Variants in NEMF observed in about 807,000 individuals in gnomAD.
NEMF encodes the protein nuclear export mediator factor.
NEMF carries 89 observed loss-of-function variants against 162.2 expected under a neutral mutation model. That is an observed-to-expected ratio of 0.55 (90% CI 0.46 to 0.65). The LOEUF is 0.65. Ranked by LOEUF, NEMF falls within the 30% of genes least tolerant of loss-of-function variation. The probability of loss-of-function intolerance (pLI) is 0.00; values close to 1 mark genes in which losing one functional copy is unlikely to be tolerated. For missense variants in NEMF, 1,133 were observed against 1,261.9 expected (o/e 0.90, Z 1.55); for synonymous variants, 421 against 404.5 (o/e 1.04, Z -0.49).
chr14:49,785,381 A>C (rs757256718), intron 29 of NEMF, 61 bp from the exon 30 acceptor site: 12 of 1,095,888 alleles, frequency 1.1e-5, no homozygotes, highest in Non-Finnish European at 1.7e-5. Flanking sequence ...AAAAATGCTA[A>C]AACACTTGAA....
At chr14:49,816,268 C>T (rs1891713016) in intron 16 of NEMF, among the ~76,000 whole-genome samples, 1 of 152,184 alleles carries the variant, frequency 6.6e-6, no homozygotes. Context: ...TTACGCCTGT[C>T]TTACTTTAAT....
chr14:49,783,275 T>TCATC lies in NEMF; in HGVS notation c.*1360_*1361insGATG, dbSNP rs1251772356. On this transcript the variant is annotated 3_prime_UTR_variant, in exon 33 of 33. Coordinates refer to ENST00000298310, the MANE Select transcript of NEMF (RefSeq NM_004713.6). ...TCTTACCATCATCAAAATGCTGAAG[T>TCATC]CATTTTTTGAAAACATTATAGATTT... The TCATC allele has an allele frequency of 6.3e-6, 1 of 158,318 alleles. No homozygotes were observed. 9.8% of individuals were successfully genotyped at this position (158,318 alleles called of 1,614,324 possible). A position where few individuals can be genotyped will look rare whatever the true frequency, so the allele number is the denominator to read the frequency against.
In NEMF at chr14:49,844,480, T is replaced by C. The variant is rs1566710112; in HGVS notation, c.357+1660A>G. ...GATCCCTGGTATAAAAGATTAAAAA[T>C]GGAACACCTGTATAGGGCACTTACC... On this transcript the variant is annotated intron_variant, in intron 4 of 32. Coordinates refer to ENST00000298310, the MANE Select transcript of NEMF (RefSeq NM_004713.6). Among the ~76,000 whole-genome samples, 3 of 152,008 alleles carry C rather than the reference T, an allele frequency of 2.0e-5. No individual in the cohort carries two copies. In the South Asian group the frequency reaches 6.2e-4, roughly 31 times the overall value.
rs148821260 is a variant in NEMF, at chr14:49,800,488, C to G, written c.2304G>C (p.Lys768Asn). The G allele has an allele frequency of 6.2e-7, 1 of 1,613,838 alleles. No individual in the cohort carries two copies. The highest frequency in any genetic ancestry group is 2.2e-5 in the East Asian group (1 of 44,872). ...AATTTAATGTCTCTTCCCCTTCATC[C>G]TTCATTTCACCAACAGAATCCTGAT... Reference protein sequence around the residue: ...RKDQDSVGEMKDEGEETLNYP... With the variant: ...RKDQDSVGEMNDEGEETLNYP... The change falls in exon 23 of 33, where the codon AAG becomes AAC. Residue 768 changes from lysine (K) to asparagine (N), a missense_variant. Transcript: ENST00000298310.
intron 3 of NEMF, among the ~76,000 whole-genome samples, chr14:49,849,365 T>C (rs1176770718): frequency 2.0e-5 from 3 of 152,224 alleles, no homozygotes; most frequent in African/African-American, 7.2e-5. Context: ...GCTTGTTTCA[T>C]TTCCCTATCA....
At chr14:49,810,488 T>G (rs992096667) in intron 18 of NEMF, among the ~76,000 whole-genome samples, 1 of 152,214 alleles carries the variant, frequency 6.6e-6, no homozygotes, top group Admixed American at 6.5e-5. Flanking sequence ...TTCTGGAATC[T>G]CGATTCTATC....
chr14:49,833,276 A>T, intron 8 of NEMF, 147 bp downstream of exon 8: 2 of 472,128 alleles, frequency 4.2e-6, no homozygotes, highest in Non-Finnish European at 7.2e-6. Flanking sequence ...AAAACAAAAC[A>T]AAAAAACTAT....
chr14:49,806,837 A>C (rs1313472998), intron 18 of NEMF, among the ~76,000 whole-genome samples: 1 of 152,344 alleles, frequency 6.6e-6, no homozygotes, highest in East Asian at 1.9e-4. Context: ...TATATGAATA[A>C]CATGTCCCTT....
At chr14:49,824,457 C>T (rs748542288) in intron 16 of NEMF, among the ~76,000 whole-genome samples, 5 of 148,928 alleles carry the variant, frequency 3.4e-5, no homozygotes, top group Non-Finnish European at 5.9e-5. Flanking sequence ...GCATGAGAAT[C>T]GCTTCAAACT....
intron 8 of NEMF, among the ~76,000 whole-genome samples, chr14:49,832,502 T>C (rs1362025606): frequency 6.6e-6 from 1 of 151,998 alleles, no homozygotes; most frequent in African/African-American, 2.4e-5. Flanking sequence ...TGGCTAATTT[T>C]TGTATTTTTA....
At chr14:49,785,364 CT>C in intron 29 of NEMF, 44 bp from the exon 30 acceptor site, 1 of 1,364,814 alleles carries the variant, frequency 7.3e-7, no homozygotes, top group Non-Finnish European at 1.0e-6. Flanking sequence ...TTATACCGCC[CT>C]TTACAAAAAA....
intron 16 of NEMF, among the ~76,000 whole-genome samples, chr14:49,824,100 G>A (rs181755650): frequency 8.1e-4 from 124 of 152,276 alleles, no homozygotes; most frequent in Middle Eastern, 6.8e-3. Context: ...AACCCAGGAA[G>A]CGGAGGTTGC....
rs1001120544 is a variant in NEMF at position 49,802,477 on chromosome 14, T to C, written c.2071A>G (p.Ile691Val). 6.2e-6 allele frequency: 10 copies of C among 1,613,770 alleles called. No homozygotes were observed. Among genetic ancestry groups the C allele is most frequent in the Non-Finnish European group, 8.5e-6 (10 of 1,179,890 alleles). Residue 691 changes from isoleucine to valine, a missense_variant, in exon 22 of 33, where the codon ATA becomes GTA. By Grantham distance (29) the Ile-to-Val change is conservative. Around this residue, in one of 3 missense-constraint regions of NEMF, gnomAD observed 532 missense variants for 578.6 expected, o/e 0.92. Coordinates refer to ENST00000298310, the MANE Select transcript of NEMF (RefSeq NM_004713.6). ...CCTAATTGTTCCATTTCTTCTGATATGAGTTCACTTGTACAACTTGCCAGT... is the reference window on the plus strand; with the variant it reads ...CCTAATTGTTCCATTTCTTCTGATACGAGTTCACTTGTACAACTTGCCAGT... ...ETLASCTSEL[I>V]SEEMEQLDGG...
At chr14:49,822,545 C>T (rs1344019064) in intron 16 of NEMF, among the ~76,000 whole-genome samples, 1 of 150,034 alleles carries the variant, frequency 6.7e-6, no homozygotes, top group Non-Finnish European at 1.5e-5. Context: ...GTAATAATGG[C>T]AGGGCCAGGC....
rs748102288 is a variant in NEMF, at chr14:49,806,058, C to T, written c.1820G>A (p.Arg607Gln). The change falls in exon 19 of 33, where the codon CGA becomes CAA. Residue 607 changes from arginine to glutamine, a missense_variant. Transcript: ENST00000298310. ...CACCCACCAAGCACTAGTGATAACTCGTGCATCCCAAGCAGCACTGTAGCA... is the reference window on the plus strand; with the variant it reads ...CACCCACCAAGCACTAGTGATAACTTGTGCATCCCAAGCAGCACTGTAGCA... ...ALCYSAAWDARVITSAWWVYH... is the reference protein window; with the variant it reads ...ALCYSAAWDAQVITSAWWVYH... 28 of 1,610,894 alleles carry T rather than the reference C, an allele frequency of 1.7e-5. No homozygotes were observed. The highest frequency in any genetic ancestry group is 6.7e-5 in the Admixed American group (4 of 59,736).
intron 19 of NEMF, 55 bp downstream of exon 19, chr14:49,805,966 T>A (rs1362146028): frequency 8.4e-7 from 1 of 1,190,674 alleles, no homozygotes; most frequent in Non-Finnish European, 1.2e-6. Flanking sequence ...ACTCTCAAAA[T>A]TTGGCACACA....
chr14:49,817,820 CT>C (rs1891792931), intron 16 of NEMF, among the ~76,000 whole-genome samples: 1 of 152,200 alleles, frequency 6.6e-6, no homozygotes, highest in South Asian at 2.1e-4. Flanking sequence ...CAATGACAAG[CT>C]TTCCCAAAGA....
At chr14:49,819,121 A>C (rs1376069815) in intron 16 of NEMF, among the ~76,000 whole-genome samples, 1 of 152,160 alleles carries the variant, frequency 6.6e-6, no homozygotes, top group Non-Finnish European at 1.5e-5. Context: ...AAAAGAAAAA[A>C]AGAAAAGGAG....
At chr14:49,842,799 G>A (rs555094665) in intron 4 of NEMF, among the ~76,000 whole-genome samples, 3 of 152,300 alleles carry the variant, frequency 2.0e-5, no homozygotes, top group East Asian at 3.9e-4. Flanking sequence ...CTGAGGTCAG[G>A]AGTTCAAGAC....
Sources: gnomAD v4.1 joint callset for allele counts (sites outside exome capture counted in the v4.1 genomes callset) on GRCh38, gnomAD v4.1.1 for gene constraint, gnomAD v4.1.1 regional missense constraint, MANE v1.5 for transcripts, NCBI Gene and HGNC (gene_info 2026-07-23, HGNC 2026-07-21) for gene names.